CACNA2D3: variants seen among roughly 807,000 people sequenced by gnomAD.
CACNA2D3 encodes voltage-dependent calcium channel subunit alpha-2/delta-3.
CACNA2D3 carries 60 observed loss-of-function variants against 160.6 expected under a neutral mutation model. The observed-to-expected ratio is 0.37, with a 90% CI of 0.30 to 0.46. The LOEUF (loss-of-function observed/expected upper bound fraction) is 0.46, where lower values mean the gene tolerates loss of function less well. Ranked by LOEUF, CACNA2D3 falls within the 20% of genes least tolerant of loss-of-function variation. CACNA2D3 has a pLI of 1.00. For missense variants in CACNA2D3, 1,205 were observed against 1,365.0 expected (o/e 0.88, Z 1.85); for synonymous variants, 558 against 492.9 (o/e 1.13, Z -1.75).
At chr3:55,004,971 TAAAA>T (rs56926640) in intron 32 of CACNA2D3, 133 bp downstream of exon 32, 21 of 510,080 alleles carry the variant, frequency 4.1e-5, no homozygotes, top group East Asian at 1.0e-4. Flanking sequence ...TTTACTCACT[TAAAA>T]AAAAAAAAAA....
intron 13 of CACNA2D3, among the ~76,000 whole-genome samples, chr3:54,813,576 G>C (rs947316419): frequency 6.6e-6 from 1 of 152,128 alleles, no homozygotes; most frequent in Non-Finnish European, 1.5e-5. Flanking sequence ...ATTCAAGGCA[G>C]TTACCCCGAT....
intron 4 of CACNA2D3, among the ~76,000 whole-genome samples, chr3:54,469,866 A>G (rs924498312): frequency 6.6e-6 from 1 of 152,102 alleles, no homozygotes; most frequent in African/African-American, 2.4e-5. Context: ...TAAAGTGTGA[A>G]GACAAGATTA....
chr3:54,883,823 C>CTCTCTCTCTCTCTCTCTCTCT (rs60132112), intron 21 of CACNA2D3, among the ~76,000 whole-genome samples: 87 of 88,934 alleles, frequency 9.8e-4, no homozygotes, highest in East Asian at 2.6e-3. Flanking sequence ...CTCTCTCTCT[C>CTCTCTCTCTCTCTCTCTCTCT]CTCTCTCTCC....
At chr3:54,848,216 C>G (rs894232425) in intron 17 of CACNA2D3, among the ~76,000 whole-genome samples, 1 of 152,232 alleles carries the variant, frequency 6.6e-6, no homozygotes, top group Admixed American at 6.5e-5. Context: ...GATGCACTCT[C>G]CAGAGCTGTG....
At chr3:54,944,905 G>A (rs891952364) in intron 27 of CACNA2D3, among the ~76,000 whole-genome samples, 1 of 151,922 alleles carries the variant, frequency 6.6e-6, no homozygotes, top group African/African-American at 2.4e-5. Context: ...TTTTCAAGGT[G>A]AAGGCTCTCC....
chr3:54,812,307 C>G (rs1443987381), intron 13 of CACNA2D3, among the ~76,000 whole-genome samples: 4 of 152,200 alleles, frequency 2.6e-5, no homozygotes, highest in Non-Finnish European at 5.9e-5. Flanking sequence ...ATGGCAATAA[C>G]TTTGCTACCA....
chr3:55,007,962 G>A (rs1703132280), intron 33 of CACNA2D3, 120 bp downstream of exon 33: 1 of 635,340 alleles, frequency 1.6e-6, no homozygotes, highest in Non-Finnish European at 2.5e-6. Context: ...AGTACTCTGA[G>A]ATAACTTCAT....
intron 13 of CACNA2D3, among the ~76,000 whole-genome samples, chr3:54,780,819 G>T (rs1157615979): frequency 6.6e-6 from 1 of 152,102 alleles, no homozygotes; most frequent in Admixed American, 6.6e-5. Flanking sequence ...CTAAAGGAGT[G>T]GGGGGGTTGG....
intron 9 of CACNA2D3, among the ~76,000 whole-genome samples, chr3:54,608,482 T>TA (rs1698682404): frequency 6.6e-6 from 1 of 152,210 alleles, no homozygotes. Flanking sequence ...GAAGAGATGT[T>TA]ACGAAAATCA....
At chr3:54,654,028 T>A (rs571777208) in intron 11 of CACNA2D3, among the ~76,000 whole-genome samples, 1 of 152,268 alleles carries the variant, frequency 6.6e-6, no homozygotes, top group Non-Finnish European at 1.5e-5. Context: ...TCTAGTAGCA[T>A]TCTTATTTTG....
intron 2 of CACNA2D3, among the ~76,000 whole-genome samples, chr3:54,311,675 A>G (rs1703746604): frequency 6.6e-6 from 1 of 152,186 alleles, no homozygotes; most frequent in Non-Finnish European, 1.5e-5. Context: ...TGATCCATGC[A>G]GCTCTGTGTC....
At chr3:54,745,250 C>T (rs1449706931) in intron 11 of CACNA2D3, among the ~76,000 whole-genome samples, 1 of 152,148 alleles carries the variant, frequency 6.6e-6, no homozygotes, top group African/African-American at 2.4e-5. Context: ...TAGCGTTGGA[C>T]AGTCAATCAT....
intron 6 of CACNA2D3, among the ~76,000 whole-genome samples, chr3:54,563,228 A>G (rs146978870): frequency 3.2e-3 from 484 of 152,284 alleles, no homozygotes; most frequent in African/African-American, 0.01. Context: ...ACCTTATTTA[A>G]TACTTCTGAA....
intron 2 of CACNA2D3, among the ~76,000 whole-genome samples, chr3:54,184,842 A>T (rs1700852774): frequency 6.6e-6 from 1 of 152,206 alleles, no homozygotes; most frequent in Admixed American, 6.5e-5. Context: ...GGAATGTTGC[A>T]ATGTTTATCT....
At chr3:54,966,157 A>G (rs1702144703) in intron 27 of CACNA2D3, among the ~76,000 whole-genome samples, 1 of 152,090 alleles carries the variant, frequency 6.6e-6, no homozygotes, top group African/African-American at 2.4e-5. Context: ...AAAGGGCATC[A>G]GGAGACTCAT....
chr3:54,922,585 G>T (rs757995327), intron 27 of CACNA2D3, among the ~76,000 whole-genome samples: 1 of 152,060 alleles, frequency 6.6e-6, no homozygotes, highest in Non-Finnish European at 1.5e-5. Context: ...AATATCGTAC[G>T]TTTTAACCCA....
intron 2 of CACNA2D3, among the ~76,000 whole-genome samples, chr3:54,192,195 A>G (rs1449033364): frequency 6.6e-6 from 1 of 151,906 alleles, no homozygotes; most frequent in Non-Finnish European, 1.5e-5. Context: ...CACTTCCAGA[A>G]AGTTCTTTTA....
Position 54,890,162 on chromosome 3 carries a change from A to G in CACNA2D3, c.2151-1193A>G, listed in dbSNP as rs146992686. On this transcript the variant is annotated intron_variant, in intron 24 of 37. Transcript: ENST00000474759. Reference sequence around the variant, plus strand: ...CATTTAGGACAGAGAAACAAGCTCAAGAATTGGTGTTCTCTTCATACATTT... The same window carrying G: ...CATTTAGGACAGAGAAACAAGCTCAGGAATTGGTGTTCTCTTCATACATTT... Among the ~76,000 whole-genome samples, 7 of 152,324 alleles carry G rather than the reference A, an allele frequency of 4.6e-5. No homozygotes were observed. The East Asian group carries it at 5.8e-4, about 13-fold the overall frequency.
chr3:54,855,733 C>T (rs1168695762), intron 17 of CACNA2D3, among the ~76,000 whole-genome samples: 1 of 152,056 alleles, frequency 6.6e-6, no homozygotes, highest in African/African-American at 2.4e-5. Context: ...GGAGAATTTC[C>T]ATATTCCCTT....
Sources: gnomAD v4.1 joint callset for allele counts (sites outside exome capture counted in the v4.1 genomes callset) on GRCh38, gnomAD v4.1.1 for gene constraint, MANE v1.5 for transcripts, NCBI Gene and HGNC (gene_info 2026-07-23, HGNC 2026-07-21) for gene names.